Variants in HS3ST3B1 observed in about 807,000 individuals in gnomAD.
The protein encoded by HS3ST3B1 is heparan sulfate-glucosamine 3-sulfotransferase 3B1.
In HS3ST3B1, 13 loss-of-function variants were observed where a neutral mutation model predicts 21.3. The observed-to-expected ratio is 0.61, with a 90% CI of 0.40 to 0.97. The LOEUF is 0.97. Among genes scored for constraint, HS3ST3B1 ranks in the 50% least tolerant of loss-of-function variants. The pLI is 0.00. For synonymous variants in HS3ST3B1, 234 were observed against 254.8 expected (o/e 0.92, Z 0.78); for missense variants, 459 against 554.8 (o/e 0.83, Z 1.73).
chr17:14,331,846 C>T (rs1910023925), intron 1 of HS3ST3B1, among the ~76,000 whole-genome samples: 1 of 152,100 alleles, frequency 6.6e-6, no homozygotes, highest in Admixed American at 6.6e-5. Flanking sequence ...GAAGGGAGTT[C>T]TCAGAAAGGG....
chr17:14,310,413 C>T (rs1031538879), intron 1 of HS3ST3B1, among the ~76,000 whole-genome samples: 4 of 152,224 alleles, frequency 2.6e-5, no homozygotes, highest in Non-Finnish European at 1.5e-5. Context: ...CAGCCCCAGC[C>T]TTTGCGGATA....
rs187713428 is a variant in HS3ST3B1, at chr17:14,320,705, C to G, written c.554+18633C>G. ...CTCTCAGGTTGTGTTCCAGGTTCCACGTCTTCGAATCTGGTTGCCTTTTGC... is the reference window on the plus strand; with the variant it reads ...CTCTCAGGTTGTGTTCCAGGTTCCAGGTCTTCGAATCTGGTTGCCTTTTGC... On this transcript the variant is annotated intron_variant, in intron 1 of 1. Coordinates refer to ENST00000360954, the MANE Select transcript of HS3ST3B1 (RefSeq NM_006041.3). Among the ~76,000 whole-genome samples the G allele has an allele frequency of 9.8e-5, 15 of 152,294 alleles. No individual in the cohort carries two copies. The East Asian group carries it at 1.7e-3, about 18-fold the overall frequency.
chr17:14,305,866 G>C (rs1388458982), intron 1 of HS3ST3B1, among the ~76,000 whole-genome samples: 1 of 152,146 alleles, frequency 6.6e-6, no homozygotes, highest in Non-Finnish European at 1.5e-5. Flanking sequence ...CCTCATTACA[G>C]TTCTGTGAAG....
At chr17:14,325,780 GCT>G (rs1330836107) in intron 1 of HS3ST3B1, among the ~76,000 whole-genome samples, 1 of 152,168 alleles carries the variant, frequency 6.6e-6, no homozygotes, top group African/African-American at 2.4e-5. Flanking sequence ...GTAAGTGCTG[GCT>G]CCCTGACGCC....
Position 14,346,815 on chromosome 17 carries a change from A to ATT in HS3ST3B1, c.*1170_*1171insTT, listed in dbSNP as rs1217948531. ...CAGTTCTGCTTTGACACACCAAAGA[A>ATT]TCCCGTAGGCTAGCAGAGCCACCAG... On this transcript the variant is annotated 3_prime_UTR_variant, in exon 2 of 2. Transcript: ENST00000360954. The ATT allele has an allele frequency of 6.6e-6, 1 of 152,208 alleles. No individual in the cohort carries two copies. Among genetic ancestry groups the ATT allele is most frequent in the Non-Finnish European group, 1.5e-5 (1 of 68,064 alleles). The allele number at this position is 152,208 out of a possible 1,614,324, so 9.4% of individuals were successfully genotyped here.
Position 14,313,814 on chromosome 17 carries a change from C to T in HS3ST3B1, c.554+11742C>T, listed in dbSNP as rs577971419. On this transcript the variant is annotated intron_variant, in intron 1 of 1. Coordinates refer to ENST00000360954, the MANE Select transcript of HS3ST3B1 (RefSeq NM_006041.3). ...CGAACTCCTGACCTCAGCTGATCCA[C>T]CAGCCTTGGCCTCACAAAGTGCTGG... Among the ~76,000 whole-genome samples the T allele has an allele frequency of 1.7e-4, 26 of 152,286 alleles. No homozygotes were observed. In the South Asian group the frequency reaches 4.8e-3, roughly 28 times the overall value.
At chr17:14,335,346 T>C (rs1910154373) in intron 1 of HS3ST3B1, among the ~76,000 whole-genome samples, 2 of 152,168 alleles carry the variant, frequency 1.3e-5, no homozygotes, top group African/African-American at 4.8e-5. Context: ...AGCAGATATC[T>C]TCAAAAAAAT....
chr17:14,335,642 C>A, intron 1 of HS3ST3B1, among the ~76,000 whole-genome samples: 1 of 151,646 alleles, frequency 6.6e-6, no homozygotes, highest in East Asian at 1.9e-4. Flanking sequence ...TGCAGAGAGC[C>A]GAGATCGCAC....
chr17:14,333,200 G>A (rs1910075471), intron 1 of HS3ST3B1, among the ~76,000 whole-genome samples: 1 of 152,120 alleles, frequency 6.6e-6, no homozygotes, highest in East Asian at 1.9e-4. Context: ...GGGCACGGTG[G>A]CTCATGCCTG....
intron 1 of HS3ST3B1, among the ~76,000 whole-genome samples, chr17:14,320,651 C>G (rs1391531534): frequency 6.6e-6 from 1 of 152,068 alleles, no homozygotes; most frequent in African/African-American, 2.4e-5. Flanking sequence ...AAAGATGCCA[C>G]TCAGAAAAAA....
At position 14,314,393 on chromosome 17, in the gene HS3ST3B1, C is replaced by T. The variant is rs1200065910; in HGVS notation, c.554+12321C>T. 3.3e-5 allele frequency among the ~76,000 whole-genome samples: 5 copies of T among 152,278 alleles called. No individual in the cohort carries two copies. The East Asian group carries it at 5.8e-4, about 18-fold the overall frequency. On this transcript the variant is annotated intron_variant, in intron 1 of 1. Transcript: ENST00000360954. Reference sequence around the variant, plus strand: ...ATACAAGTATGTTGTTGGTAACAAGCGCCAAGATCAAGAAGTGGCAGTTCA... The same window carrying T: ...ATACAAGTATGTTGTTGGTAACAAGTGCCAAGATCAAGAAGTGGCAGTTCA...
rs536054059 is a variant in HS3ST3B1 at position 14,348,504 on chromosome 17, G to A, written c.*2858G>A. On this transcript the variant is annotated 3_prime_UTR_variant, in exon 2 of 2. Coordinates refer to ENST00000360954, the MANE Select transcript of HS3ST3B1 (RefSeq NM_006041.3). The stretch of plus-strand genomic sequence containing the variant: ...CTGCCGGAGCTTGCACCCCATCATC[G>A]GACGGTCATCTTCCTGCTGCAGAAG... 21 of 152,230 alleles carry A rather than the reference G, an allele frequency of 1.4e-4. No homozygotes were observed. The highest frequency in any genetic ancestry group is 3.9e-4 in the East Asian group (2 of 5,186). 9.4% of individuals were successfully genotyped at this position (152,230 alleles called of 1,614,324 possible).
At chr17:14,315,354 G>A (rs1394704424) in intron 1 of HS3ST3B1, among the ~76,000 whole-genome samples, 2 of 152,198 alleles carry the variant, frequency 1.3e-5, no homozygotes, top group South Asian at 2.1e-4. Context: ...TTAGCAACAC[G>A]CACACTGGCT....
At chr17:14,344,347 G>A (rs1357009070) in intron 1 of HS3ST3B1, among the ~76,000 whole-genome samples, 1 of 152,214 alleles carries the variant, frequency 6.6e-6, no homozygotes, top group Non-Finnish European at 1.5e-5. Flanking sequence ...CACCCAGGTA[G>A]TGAGCATAGT....
At chr17:14,322,995 T>G (rs1267424660) in intron 1 of HS3ST3B1, among the ~76,000 whole-genome samples, 1 of 145,684 alleles carries the variant, frequency 6.9e-6, no homozygotes, top group Non-Finnish European at 1.5e-5. Context: ...AACCTCTGCC[T>G]CCTGGGTTCA....
chr17:14,325,206 G>A (rs1332389800), intron 1 of HS3ST3B1, among the ~76,000 whole-genome samples: 2 of 152,222 alleles, frequency 1.3e-5, no homozygotes, highest in African/African-American at 2.4e-5. Context: ...CACAGATAGG[G>A]CCCCTCCAAG....
chr17:14,315,302 T>A (rs9907572), intron 1 of HS3ST3B1, among the ~76,000 whole-genome samples: 33,007 of 152,118 alleles, frequency 0.22, 3,716 homozygotes, highest in East Asian at 0.32. Context: ...CTATTGCATG[T>A]GATGAGCACA....
chr17:14,310,587 A>C (rs1001073012), intron 1 of HS3ST3B1, among the ~76,000 whole-genome samples: 2 of 152,240 alleles, frequency 1.3e-5, no homozygotes, highest in African/African-American at 4.8e-5. Flanking sequence ...TCTTCCTTCC[A>C]TTAAAGTACA....
chr17:14,315,520 C>A (rs1909469400), intron 1 of HS3ST3B1, among the ~76,000 whole-genome samples: 1 of 152,134 alleles, frequency 6.6e-6, no homozygotes, highest in African/African-American at 2.4e-5. Context: ...TTCCACGTTT[C>A]TTTGAGTGAA....
Sources: allele counts gnomAD v4.1 joint callset (sites outside exome capture counted in the v4.1 genomes callset), GRCh38; gene constraint gnomAD v4.1.1; transcripts MANE v1.5; gene names NCBI Gene and HGNC (gene_info 2026-07-23, HGNC 2026-07-21).